DNAH14: variants seen among roughly 807,000 people sequenced by gnomAD.
DNAH14 encodes axonemal beta dynein heavy chain 14.
A neutral mutation model predicts 520.9 loss-of-function variants in DNAH14; 478 were observed. That is an observed-to-expected ratio of 0.92 (90% CI 0.85 to 0.99). The LOEUF (loss-of-function observed/expected upper bound fraction) is 0.99, where lower values mean the gene tolerates loss of function less well. Among genes scored for constraint, DNAH14 ranks in the 50% least tolerant of loss-of-function variants. DNAH14 has a pLI of 0.00. For synonymous variants in DNAH14, 1,581 were observed against 1,757.2 expected, an observed-to-expected ratio of 0.90 and a Z score of 2.51; for missense variants, 4,831 against 5,234.5, an observed-to-expected ratio of 0.92 and a Z score of 2.38.
intron 61 of DNAH14, among the ~76,000 whole-genome samples, chr1:225,321,187 A>C (rs1010259027): frequency 1.3e-5 from 2 of 152,250 alleles, no homozygotes; most frequent in African/African-American, 2.4e-5. Flanking sequence ...TTCATTTTAA[A>C]ATTAGACTGT....
intron 1 of DNAH14, among the ~76,000 whole-genome samples, chr1:224,930,124 C>T (rs1006375669): frequency 2.0e-5 from 3 of 152,244 alleles, no homozygotes; most frequent in African/African-American, 7.2e-5. Context: ...GCGTTCCCTT[C>T]TAGTCCTATA....
In DNAH14 at chr1:225,141,021, G is replaced by T; in HGVS notation, c.4508G>T (p.Arg1503Ile). Reference protein sequence around the residue: ...IFNAEDFEWTRHLQYKWNEKQ... With the variant: ...IFNAEDFEWTIHLQYKWNEKQ... ...AATGCAGAGGATTTTGAGTGGACAA[G>T]GTAGGTGGATCTAAATTATAACTAC... Residue 1503 changes from arginine (R) to isoleucine (I), a missense_variant and splice_region_variant, in exon 28 of 86, where the codon AGA (arginine) becomes ATA (isoleucine). Coordinates refer to ENST00000682510, the MANE Select transcript of DNAH14 (RefSeq NM_001367479.1). 1 of 1,534,766 alleles carries T rather than the reference G, an allele frequency of 6.5e-7. No homozygotes were observed. Among genetic ancestry groups the T allele is most frequent in the South Asian group, 1.2e-5 (1 of 81,542 alleles).
At chr1:224,930,573 A>G (rs1264683260) in intron 1 of DNAH14, among the ~76,000 whole-genome samples, 1 of 152,172 alleles carries the variant, frequency 6.6e-6, no homozygotes, top group Non-Finnish European at 1.5e-5. Context: ...ACAGATGAGT[A>G]TGTTACTTGC....
At chr1:225,136,947 A>G (rs1023980469) in intron 27 of DNAH14, among the ~76,000 whole-genome samples, 5 of 152,108 alleles carry the variant, frequency 3.3e-5, no homozygotes, top group Non-Finnish European at 5.9e-5. Flanking sequence ...CTATTCTGCT[A>G]TTGATACTTG....
intron 81 of DNAH14, among the ~76,000 whole-genome samples, chr1:225,384,314 T>C (rs1027878444): frequency 3.3e-5 from 5 of 152,202 alleles, no homozygotes; most frequent in Non-Finnish European, 7.3e-5. Flanking sequence ...GACTTGTTGA[T>C]CTGTCTAATG....
At position 225,266,684 on chromosome 1, in the gene DNAH14, T is replaced by C. The variant is rs4653415; in HGVS notation, c.7454T>C (p.Met2485Thr). ...IDDMNMPVSD[M>T]YGAQPPLELI... ...GATATGAATATGCCAGTATCAGATA[T>C]GTATGGAGCACAGCCACCCCTGGAA... is the stretch of plus-strand genomic sequence containing the variant. Residue 2485 changes from methionine (M) to threonine (T), a missense_variant, in exon 49 of 86, where the codon ATG (methionine) becomes ACG (threonine). Transcript: ENST00000682510. 1.8e-3 allele frequency: 2,663 copies of C among 1,515,636 alleles called. 40 individuals carry two copies. The East Asian group carries it at 0.029, about 17-fold the overall frequency. 93.9% of individuals were successfully genotyped at this position (1,515,636 alleles called of 1,614,324 possible).
intron 76 of DNAH14, among the ~76,000 whole-genome samples, chr1:225,365,778 G>C (rs188370760): frequency 3.9e-5 from 6 of 152,056 alleles, no homozygotes; most frequent in Non-Finnish European, 5.9e-5. Flanking sequence ...GGGGAATTGG[G>C]GGGTGGAGGT....
chr1:225,012,483 T>G (rs1328582793), intron 10 of DNAH14, among the ~76,000 whole-genome samples: 4 of 152,260 alleles, frequency 2.6e-5, no homozygotes, highest in African/African-American at 9.6e-5. Flanking sequence ...TTTCCTGAAT[T>G]TGAATATTGG....
chr1:225,054,573 T>C (rs1230082529), intron 17 of DNAH14, among the ~76,000 whole-genome samples: 1 of 152,144 alleles, frequency 6.6e-6, no homozygotes, highest in Non-Finnish European at 1.5e-5. Flanking sequence ...CATACATAAA[T>C]CCTGAAAACC....
At chr1:224,979,411 T>G (rs1009562116) in intron 8 of DNAH14, among the ~76,000 whole-genome samples, 1 of 152,172 alleles carries the variant, frequency 6.6e-6, no homozygotes, top group Non-Finnish European at 1.5e-5. Context: ...CGAACTCAAC[T>G]GACAGCCACC....
chr1:225,081,728 C>G (rs1460131428), intron 19 of DNAH14, among the ~76,000 whole-genome samples: 2 of 151,978 alleles, frequency 1.3e-5, no homozygotes, highest in Non-Finnish European at 2.9e-5. Flanking sequence ...CTCTTGAGTC[C>G]CTAACTTTGG....
At chr1:225,060,680 A>G in intron 17 of DNAH14, among the ~76,000 whole-genome samples, 2 of 91,610 alleles carry the variant, frequency 2.2e-5, no homozygotes, top group Non-Finnish European at 5.6e-5. Flanking sequence ...GGTGATGTAC[A>G]GATGGGGTTT....
At chr1:225,246,832 G>A (rs569916007) in intron 43 of DNAH14, among the ~76,000 whole-genome samples, 14 of 152,252 alleles carry the variant, frequency 9.2e-5, no homozygotes, top group African/African-American at 2.9e-4. Flanking sequence ...AATTCCTCAA[G>A]GATCTAGAAC....
At chr1:224,958,306 G>A (rs1253141127) in intron 3 of DNAH14, among the ~76,000 whole-genome samples, 1 of 152,072 alleles carries the variant, frequency 6.6e-6, no homozygotes, top group African/African-American at 2.4e-5. Flanking sequence ...TTGTGTTCAG[G>A]ATCCATTTGT....
intron 44 of DNAH14, among the ~76,000 whole-genome samples, chr1:225,255,347 T>C (rs548353659): frequency 6.6e-6 from 1 of 152,336 alleles, no homozygotes; most frequent in South Asian, 2.1e-4. Flanking sequence ...AATCAAGTCA[T>C]TGTATCATTA....
At chr1:225,163,862 G>A (rs1477548527) in intron 35 of DNAH14, among the ~76,000 whole-genome samples, 1 of 152,020 alleles carries the variant, frequency 6.6e-6, no homozygotes, top group South Asian at 2.1e-4. Flanking sequence ...GATAACACTG[G>A]CCTTGTGGAA....
chr1:225,013,848 T>C (rs963351974), intron 10 of DNAH14, among the ~76,000 whole-genome samples: 1 of 152,194 alleles, frequency 6.6e-6, no homozygotes, highest in Non-Finnish European at 1.5e-5. Flanking sequence ...ACTGCTGTGC[T>C]GGTAGCGAGA....
chr1:225,324,778 C>G lies in DNAH14; in HGVS notation c.9669C>G (p.Asn3223Lys). 1 of 1,551,408 alleles carries G rather than the reference C, an allele frequency of 6.4e-7. No individual in the cohort carries two copies. The highest frequency in any genetic ancestry group is 8.7e-7 in the Non-Finnish European group (1 of 1,146,894). The change falls in exon 64 of 86, where the codon AAC becomes AAG. Residue 3223 changes from asparagine (N) to lysine (K), a missense_variant. Coordinates refer to ENST00000682510, the MANE Select transcript of DNAH14 (RefSeq NM_001367479.1). ...PKQIQVAEAQ[N>K]VLKIARQRLA... ...AAATCCAAGTAGCTGAAGCTCAAAACGTCCTTAAAATTGCGCGACAAAGAC... is the reference window on the plus strand; with the variant it reads ...AAATCCAAGTAGCTGAAGCTCAAAAGGTCCTTAAAATTGCGCGACAAAGAC...
intron 58 of DNAH14, among the ~76,000 whole-genome samples, chr1:225,306,853 C>T (rs2094254942): frequency 6.7e-6 from 1 of 150,172 alleles, no homozygotes; most frequent in Admixed American, 6.6e-5. Context: ...TGGCAAAAGA[C>T]AGGTTACAGT....
Sources: allele counts gnomAD v4.1 joint callset (sites outside exome capture counted in the v4.1 genomes callset), GRCh38; gene constraint gnomAD v4.1.1; transcripts MANE v1.5; gene names NCBI Gene and HGNC (gene_info 2026-07-23, HGNC 2026-07-21).